TCF7L1: variants seen among roughly 807,000 people sequenced by gnomAD.
The protein encoded by TCF7L1 is transcription factor 7 like 1, also known as transcription factor 7-like 1.
Under a neutral mutation model 63.7 loss-of-function variants are expected in TCF7L1, and 18 were observed. That is an observed-to-expected ratio of 0.28 (90% confidence interval 0.20 to 0.42). TCF7L1 has a LOEUF of 0.42. TCF7L1 is among the 10% of genes least tolerant of loss of function. The pLI is 1.00. For missense variants in TCF7L1, 654 were observed against 779.3 expected, an observed-to-expected ratio of 0.84 and a Z score of 1.91; for synonymous variants, 355 against 340.9, an observed-to-expected ratio of 1.04 and a Z score of -0.46.
intron 3 of TCF7L1, among the ~76,000 whole-genome samples, chr2:85,181,076 G>C (rs1182453291): frequency 6.6e-6 from 1 of 152,202 alleles, no homozygotes; most frequent in East Asian, 1.9e-4. Flanking sequence ...AGGTTTCGTA[G>C]ACCTAAGAGG....
At chr2:85,155,700 C>G (rs1678127603) in intron 3 of TCF7L1, among the ~76,000 whole-genome samples, 1 of 152,148 alleles carries the variant, frequency 6.6e-6, no homozygotes, top group South Asian at 2.1e-4. Flanking sequence ...AAAGATGAGG[C>G]TCAGCACTTG....
chr2:85,280,139 G>A (rs1681376232), intron 3 of TCF7L1, among the ~76,000 whole-genome samples: 1 of 152,162 alleles, frequency 6.6e-6, no homozygotes, highest in African/African-American at 2.4e-5. Flanking sequence ...GGCCACTAGA[G>A]CAGTGATTCT....
At chr2:85,180,236 T>G (rs1478722200) in intron 3 of TCF7L1, among the ~76,000 whole-genome samples, 1 of 150,262 alleles carries the variant, frequency 6.7e-6, no homozygotes, top group Non-Finnish European at 1.5e-5. Flanking sequence ...TTGTTTTTGT[T>G]TTTTTTTTTG....
chr2:85,158,473 T>C (rs1678203347), intron 3 of TCF7L1, among the ~76,000 whole-genome samples: 1 of 152,186 alleles, frequency 6.6e-6, no homozygotes, highest in Non-Finnish European at 1.5e-5. Flanking sequence ...CTTGGGGTGA[T>C]ATGAGCCTGT....
At chr2:85,308,493 TC>T (rs143240166) in intron 11 of TCF7L1, among the ~76,000 whole-genome samples, 5,492 of 56,648 alleles carry the variant, frequency 0.097, 392 homozygotes, top group African/African-American at 0.2. Flanking sequence ...TTCCCTCCCT[TC>T]CCCCCCTCCC....
chr2:85,150,277 G>A (rs1203711129), intron 3 of TCF7L1, among the ~76,000 whole-genome samples: 2 of 147,190 alleles, frequency 1.4e-5, no homozygotes, highest in East Asian at 2.0e-4. Flanking sequence ...TCTGTCGCCC[G>A]GGCTGGAGTG....
chr2:85,184,383 C>T (rs984143323), intron 3 of TCF7L1, among the ~76,000 whole-genome samples: 14 of 152,142 alleles, frequency 9.2e-5, no homozygotes, highest in South Asian at 6.2e-4. Context: ...AAGTGGAGTC[C>T]GCCTGAAGAT....
intron 3 of TCF7L1, among the ~76,000 whole-genome samples, chr2:85,263,576 A>G (rs959497350): frequency 2.6e-5 from 4 of 152,254 alleles, no homozygotes; most frequent in African/African-American, 7.2e-5. Flanking sequence ...CCTGGTTTAC[A>G]TCATCCATCA....
At chr2:85,269,979 C>T (rs1001844998) in intron 3 of TCF7L1, among the ~76,000 whole-genome samples, 4 of 152,180 alleles carry the variant, frequency 2.6e-5, no homozygotes, top group African/African-American at 7.2e-5. Flanking sequence ...CCTGGAACTG[C>T]CCGTCTATGG....
intron 3 of TCF7L1, among the ~76,000 whole-genome samples, chr2:85,228,502 C>T (rs1489560321): frequency 6.6e-6 from 1 of 152,108 alleles, no homozygotes; most frequent in Non-Finnish European, 1.5e-5. Flanking sequence ...TGTCCAGTCA[C>T]CAGTGGGGAC....
rs1211967417 is a variant in TCF7L1, at chr2:85,134,658, C to G, written c.441+208C>G. Among the ~76,000 whole-genome samples the G allele has an allele frequency of 3.9e-5, 6 of 152,256 alleles. No homozygotes were observed. The highest frequency in any genetic ancestry group is 1.4e-4 in the African/African-American group (6 of 41,476). ...AAGTAAAGTTACTTTAACTTTTCCCCTCTTGCGGGTTGAGGTTTTGGAGTC... is the reference window on the plus strand; with the variant it reads ...AAGTAAAGTTACTTTAACTTTTCCCGTCTTGCGGGTTGAGGTTTTGGAGTC... On this transcript the variant is annotated intron_variant, in intron 3 of 11. Transcript: ENST00000282111. This position sits in a 1 kb window ranked among gnomAD's most constrained non-coding sequence, Gnocchi z 5.0.
chr2:85,160,445 G>A (rs1230270055), intron 3 of TCF7L1, among the ~76,000 whole-genome samples: 1 of 152,082 alleles, frequency 6.6e-6, no homozygotes, highest in Admixed American at 6.5e-5. Context: ...GGCTGGTCTC[G>A]AACTCCTGAC....
chr2:85,246,752 T>C (rs1680474650), intron 3 of TCF7L1, among the ~76,000 whole-genome samples: 1 of 146,510 alleles, frequency 6.8e-6, no homozygotes, highest in African/African-American at 2.5e-5. Context: ...CTCTCAAGCA[T>C]TTCTCTCAAG....
At chr2:85,265,659 ATGGGAACGGT>A (rs1221635809) in intron 3 of TCF7L1, among the ~76,000 whole-genome samples, 1 of 152,152 alleles carries the variant, frequency 6.6e-6, no homozygotes, top group Non-Finnish European at 1.5e-5. Flanking sequence ...CCAGGCCCTA[ATGGGAACGGT>A]TGGGAAGGTT....
chr2:85,149,886 G>C (rs1167490195), intron 3 of TCF7L1, among the ~76,000 whole-genome samples: 1 of 152,114 alleles, frequency 6.6e-6, no homozygotes, highest in East Asian at 1.9e-4. Flanking sequence ...TTTACTTAAG[G>C]GGGCATAATT....
intron 3 of TCF7L1, among the ~76,000 whole-genome samples, chr2:85,189,797 C>T (rs148630659): frequency 2.6e-5 from 4 of 152,270 alleles, no homozygotes; most frequent in African/African-American, 9.6e-5. Context: ...CGCCTGGACA[C>T]AATCAGCTGA....
intron 3 of TCF7L1, among the ~76,000 whole-genome samples, chr2:85,160,478 G>T (rs751035665): frequency 6.6e-6 from 1 of 152,168 alleles, no homozygotes. Flanking sequence ...GCCCACCTCA[G>T]CCTCCCAAAG....
At chr2:85,284,095 C>G (rs562805364) in intron 4 of TCF7L1, among the ~76,000 whole-genome samples, 1 of 152,376 alleles carries the variant, frequency 6.6e-6, no homozygotes, top group Non-Finnish European at 1.5e-5. Flanking sequence ...ACTGCAACCT[C>G]TGCCTCCCAG....
At chr2:85,214,553 A>G (rs1174896272) in intron 3 of TCF7L1, among the ~76,000 whole-genome samples, 1 of 152,242 alleles carries the variant, frequency 6.6e-6, no homozygotes, top group Non-Finnish European at 1.5e-5. Context: ...AAAACTGTCT[A>G]TGGTGATAAA....
Sources: allele counts gnomAD v4.1 joint callset (sites outside exome capture counted in the v4.1 genomes callset), GRCh38; gene constraint gnomAD v4.1.1; non-coding constraint Gnocchi (gnomAD v3.1); transcripts MANE v1.5; gene names NCBI Gene and HGNC (gene_info 2026-07-23, HGNC 2026-07-21).